The following VWF variants were observed in gnomAD, a reference collection of about 807,000 sequenced individuals.
VWF encodes the protein von Willebrand factor, also known as Factor VIII related antigen.
In VWF, 176 loss-of-function variants were observed where a neutral mutation model predicts 308.6. The ratio of observed to expected loss-of-function variants is 0.57; its 90% CI spans 0.50 to 0.65. The LOEUF (loss-of-function observed/expected upper bound fraction) is 0.65. Among genes scored for constraint, VWF ranks in the 30% least tolerant of loss-of-function variants. The probability of loss-of-function intolerance (pLI) is 0.00; values close to 1 mark genes in which losing one functional copy is unlikely to be tolerated. For missense variants in VWF, 3,146 were observed against 3,648.2 expected (o/e 0.86, Z 3.55); for synonymous variants, 1,385 against 1,443.4 (o/e 0.96, Z 0.92).
intron 40 of VWF, among the ~76,000 whole-genome samples, chr12:5,983,993 T>TAGATAGAC (rs1308747024): frequency 8.8e-6 from 1 of 113,214 alleles, no homozygotes; most frequent in Non-Finnish European, 1.9e-5. Context: ...GATAGATAGA[T>TAGATAGAC]AGATAGATAG....
chr12:5,980,494 G>A (rs1463722391), intron 42 of VWF, among the ~76,000 whole-genome samples: 2 of 152,140 alleles, frequency 1.3e-5, no homozygotes, highest in African/African-American at 4.8e-5. Flanking sequence ...AAATGACCCA[G>A]CTTCCCCAAC....
At chr12:6,090,864 G>C (rs914311388) in intron 6 of VWF, among the ~76,000 whole-genome samples, 1 of 152,170 alleles carries the variant, frequency 6.6e-6, no homozygotes, top group Non-Finnish European at 1.5e-5. Context: ...TCACGCCGAG[G>C]CCCAGGGTGA....
chr12:5,973,902 T>C (rs1437097995), intron 43 of VWF, among the ~76,000 whole-genome samples: 3 of 152,144 alleles, frequency 2.0e-5, no homozygotes, highest in African/African-American at 7.2e-5. Flanking sequence ...CCTCTCACTA[T>C]GGACATGGAA....
At chr12:6,026,415 T>G (rs1944193740) in intron 22 of VWF, among the ~76,000 whole-genome samples, 1 of 152,164 alleles carries the variant, frequency 6.6e-6, no homozygotes, top group Non-Finnish European at 1.5e-5. Context: ...CCAGGTACAC[T>G]GCTCCACCAA....
intron 6 of VWF, among the ~76,000 whole-genome samples, chr12:6,092,619 G>GAGAGA (rs1945056185): frequency 1.4e-5 from 1 of 71,910 alleles, no homozygotes; most frequent in Non-Finnish European, 3.2e-5. Flanking sequence ...GTGAGTGAGA[G>GAGAGA]TGTGTGTGTG....
chr12:5,994,688 G>A (rs895488867), intron 35 of VWF, 81 bp from the exon 36 acceptor site: 1 of 1,286,522 alleles, frequency 7.8e-7, no homozygotes, highest in Non-Finnish European at 1.1e-6. Flanking sequence ...GAGAGTTCCT[G>A]CACATTCATC....
At chr12:5,954,444 G>C (rs1339586244) in intron 47 of VWF, among the ~76,000 whole-genome samples, 1 of 152,050 alleles carries the variant, frequency 6.6e-6, no homozygotes, top group Non-Finnish European at 1.5e-5. Context: ...TTTGATCCTT[G>C]AAAAAAGGAA....
In VWF at chr12:5,994,083, A is replaced by G. The variant is rs71579338; in HGVS notation, c.6377T>C (p.Ile2126Thr). 342 of 1,614,078 alleles carry G rather than the reference A, an allele frequency of 2.1e-4. No individual in the cohort carries two copies. The highest frequency in any genetic ancestry group is 2.8e-4 in the Non-Finnish European group (328 of 1,180,046). ...VQRPGQTCQP[I>T]LEEQCLVPDS... Reference sequence around the variant, plus strand: ...GGGGACAAGACACTGCTCCTCCAGGATGGGCTGGCACGTCTGCCCTGGCCG... The same window carrying G: ...GGGGACAAGACACTGCTCCTCCAGGGTGGGCTGGCACGTCTGCCCTGGCCG... Residue 2126 changes from isoleucine to threonine, a missense_variant, in exon 37 of 52, where the codon ATC becomes ACC. Around this residue, in one of 3 missense-constraint regions of VWF, gnomAD observed 989 missense variants for 1,117.4 expected, o/e 0.89. Coordinates refer to ENST00000261405, the MANE Select transcript of VWF (RefSeq NM_000552.5).
At position 6,075,595 on chromosome 12, in the gene VWF, C is replaced by A; in HGVS notation, c.658-44G>T. 1.3e-6 allele frequency: 2 copies of A among 1,584,682 alleles called. No homozygotes were observed. Among genetic ancestry groups the A allele is most frequent in the East Asian group, 2.3e-5 (1 of 43,006 alleles). Reference sequence around the variant, plus strand: ...CCTCAGCGGTATGCTCCGTTAGTGTCTCCCTGAGTGTGGCACTGAGACTTA... The same window carrying A: ...CCTCAGCGGTATGCTCCGTTAGTGTATCCCTGAGTGTGGCACTGAGACTTA... On this transcript the variant is annotated intron_variant, in intron 6 of 51. Coordinates refer to ENST00000261405, the MANE Select transcript of VWF (RefSeq NM_000552.5). This position sits in a 1 kb window ranked among gnomAD's most constrained non-coding sequence, Gnocchi z 4.7.
intron 5 of VWF, among the ~76,000 whole-genome samples, chr12:6,102,499 G>A (rs1945175928): frequency 6.6e-6 from 1 of 152,148 alleles, no homozygotes; most frequent in African/African-American, 2.4e-5. Flanking sequence ...CACTGTGGGA[G>A]GCCGAGGCAG....
intron 42 of VWF, among the ~76,000 whole-genome samples, chr12:5,979,364 T>G (rs1467551979): frequency 6.6e-6 from 1 of 152,202 alleles, no homozygotes; most frequent in Admixed American, 6.5e-5. Flanking sequence ...CAAACACTTA[T>G]AAATAGTAAA....
At chr12:6,084,952 C>G (rs1944952378) in intron 6 of VWF, among the ~76,000 whole-genome samples, 1 of 152,194 alleles carries the variant, frequency 6.6e-6, no homozygotes, top group African/African-American at 2.4e-5. Flanking sequence ...TTCTGACTCA[C>G]AAGGACCTGG....
chr12:5,964,246 A>ACATACATACATGCATG, intron 47 of VWF, among the ~76,000 whole-genome samples: 1 of 133,244 alleles, frequency 7.5e-6, no homozygotes, highest in African/African-American at 3.3e-5. Flanking sequence ...ATACATACAT[A>ACATACATACATGCATG]CATGCATACA....
chr12:5,998,582 T>C (rs1943838327), intron 34 of VWF, among the ~76,000 whole-genome samples: 1 of 125,544 alleles, frequency 8.0e-6, no homozygotes, highest in African/African-American at 3.1e-5. Flanking sequence ...TAAAATAAAC[T>C]ACAAGGCAAA....
At chr12:6,015,216 T>C (rs1240288344) in intron 31 of VWF, among the ~76,000 whole-genome samples, 1 of 152,204 alleles carries the variant, frequency 6.6e-6, no homozygotes, top group Admixed American at 6.5e-5. Flanking sequence ...CATACACAGA[T>C]GATACAAAAA....
chr12:6,097,597 G>A (rs1189970811), intron 5 of VWF, among the ~76,000 whole-genome samples: 3 of 152,190 alleles, frequency 2.0e-5, no homozygotes, highest in Non-Finnish European at 4.4e-5. Context: ...GAAGAGGCCA[G>A]GAACAGATGC....
At chr12:5,993,649 G>GTATA (rs538196657) in intron 37 of VWF, among the ~76,000 whole-genome samples, 2 of 138,578 alleles carry the variant, frequency 1.4e-5, no homozygotes, top group African/African-American at 2.9e-5. Flanking sequence ...GTGTGTGTGT[G>GTATA]TATATATATA....
chr12:6,107,694 T>C (rs1945258728), intron 5 of VWF, among the ~76,000 whole-genome samples: 1 of 152,158 alleles, frequency 6.6e-6, no homozygotes, highest in Non-Finnish European at 1.5e-5. Context: ...AGTCTCACTC[T>C]GTCGCCCAGG....
intron 15 of VWF, among the ~76,000 whole-genome samples, chr12:6,056,010 T>C (rs1267384859): frequency 6.6e-6 from 1 of 151,746 alleles, no homozygotes; most frequent in African/African-American, 2.4e-5. Context: ...GTCACTTCTA[T>C]GCCTACTATG....
Sources: allele counts gnomAD v4.1 joint callset (sites outside exome capture counted in the v4.1 genomes callset), GRCh38; gene constraint gnomAD v4.1.1; regional missense constraint gnomAD v4.1.1; non-coding constraint Gnocchi (gnomAD v3.1); transcripts MANE v1.5; gene names NCBI Gene and HGNC (gene_info 2026-07-23, HGNC 2026-07-21).